The following IQSEC1 variants were observed in gnomAD, a reference collection of about 807,000 sequenced individuals.
IQSEC1 encodes IQ motif and Sec7 domain ArfGEF 1.
IQSEC1 carries 31 observed loss-of-function variants against 91.0 expected under a neutral mutation model. That is an observed-to-expected ratio of 0.34 (90% CI 0.26 to 0.46). The LOEUF is 0.46. Among genes scored for constraint, IQSEC1 ranks in the 20% least tolerant of loss-of-function variants. IQSEC1 has a pLI of 1.00. For missense variants in IQSEC1, 1,388 were observed against 1,575.6 expected (o/e 0.88, Z 2.02); for synonymous variants, 699 against 662.6 (o/e 1.05, Z -0.84).
intron 3 of IQSEC1, among the ~76,000 whole-genome samples, chr3:12,930,491 G>C (rs1229929598): frequency 6.6e-6 from 1 of 152,206 alleles, no homozygotes; most frequent in Non-Finnish European, 1.5e-5. Flanking sequence ...GCTTGCCCAA[G>C]TGGTTCAGGG....
At chr3:12,903,860 C>A (rs1221116704) in intron 12 of IQSEC1, among the ~76,000 whole-genome samples, 1 of 152,208 alleles carries the variant, frequency 6.6e-6, no homozygotes. Flanking sequence ...CATGTCAACC[C>A]TATAGGCGCC....
At chr3:13,204,593 G>C (rs1052185939) in intron 1 of IQSEC1, among the ~76,000 whole-genome samples, 7 of 152,210 alleles carry the variant, frequency 4.6e-5, no homozygotes, top group African/African-American at 1.7e-4. Context: ...TCAGCCTTCC[G>C]GAGCTTCGGG....
At chr3:13,018,005 C>G (rs376475094) in intron 1 of IQSEC1, among the ~76,000 whole-genome samples, 11 of 152,282 alleles carry the variant, frequency 7.2e-5, no homozygotes, top group East Asian at 3.9e-4. Flanking sequence ...CTCAGGGAGT[C>G]CTGGTCTCTG....
intron 1 of IQSEC1, among the ~76,000 whole-genome samples, chr3:13,042,693 G>C (rs968565313): frequency 4.6e-5 from 7 of 152,134 alleles, no homozygotes; most frequent in African/African-American, 1.4e-4. Flanking sequence ...AAGTTGTGGG[G>C]GCCCCCAGTC....
At chr3:13,143,454 G>A (rs1365999556) in intron 2 of IQSEC1, among the ~76,000 whole-genome samples, 1 of 152,222 alleles carries the variant, frequency 6.6e-6, no homozygotes, top group Non-Finnish European at 1.5e-5. Flanking sequence ...AGGAAGTGAT[G>A]CACAGAGGAC....
chr3:13,017,408 A>T (rs967705469), intron 1 of IQSEC1, among the ~76,000 whole-genome samples: 4 of 152,202 alleles, frequency 2.6e-5, no homozygotes, highest in Non-Finnish European at 5.9e-5. Flanking sequence ...CAGCGGAAGA[A>T]AGCCTCTTCC....
chr3:13,060,946 T>C (rs1386446565), intron 1 of IQSEC1, among the ~76,000 whole-genome samples: 1 of 152,192 alleles, frequency 6.6e-6, no homozygotes, highest in African/African-American at 2.4e-5. Flanking sequence ...GGACCCCAGT[T>C]TCCTCTGCAT....
rs1361500736 is a variant in IQSEC1, at chr3:12,898,036, A to G, written c.*2947T>C. The G allele has an allele frequency of 6.6e-6, 1 of 152,250 alleles. No individual in the cohort carries two copies. Among genetic ancestry groups the G allele is most frequent in the Admixed American group, 6.5e-5 (1 of 15,286 alleles). 9.4% of individuals were successfully genotyped at this position (152,250 alleles called of 1,614,324 possible). A position where few individuals can be genotyped will look rare whatever the true frequency, so the allele number is the denominator to read the frequency against. ...CTCCTGCTCCTGTCAGCAATTCTGT[A>G]TGTAACTGCAGTAATTTGTGTGACT... On this transcript the variant is annotated 3_prime_UTR_variant, in exon 14 of 14. Transcript: ENST00000613206.
At chr3:13,097,829 A>G (rs761543648) in intron 2 of IQSEC1, among the ~76,000 whole-genome samples, 42 of 152,124 alleles carry the variant, frequency 2.8e-4, no homozygotes, top group Non-Finnish European at 5.1e-4. Context: ...ATTATCAACC[A>G]TTTGTCACTG....
chr3:12,900,775 C>G lies in IQSEC1; in HGVS notation c.*208G>C. On this transcript the variant is annotated 3_prime_UTR_variant, in exon 14 of 14. Coordinates refer to ENST00000613206, the MANE Select transcript of IQSEC1 (RefSeq NM_001134382.3). ...CCCTCAGACTGAGGTGAGCAGAGCC[C>G]AGGGTGCCAACAAGAAATGAAATCT... The G allele has an allele frequency of 6.9e-7, 1 of 1,444,308 alleles. No individual in the cohort carries two copies. 89.5% of individuals were successfully genotyped at this position (1,444,308 alleles called of 1,614,324 possible).
rs534849902 is a variant in IQSEC1, at chr3:12,901,004, G to A, written c.3324C>T (p.Ser1108=). 3.6e-5 allele frequency: 56 copies of A among 1,545,168 alleles called. 2 individuals are homozygous for A. The highest frequency in any genetic ancestry group is 1.7e-4 in the East Asian group (7 of 40,906). The part of the protein sequence containing the change: ...PPPTSSKAKP[S]GISTIV Reference sequence around the variant, plus strand: ...CTGTCTACACAATTGTGCTGATGCCGCTGGGTTTGGCCTTGCTGCTGGTGG... The same window carrying A: ...CTGTCTACACAATTGTGCTGATGCCACTGGGTTTGGCCTTGCTGCTGGTGG... The change falls in exon 14 of 14, where the codon AGC becomes AGT. Residue 1108 remains serine (S), a synonymous_variant. Transcript: ENST00000613206.
chr3:13,003,336 G>A (rs139982072), intron 1 of IQSEC1, among the ~76,000 whole-genome samples: 2 of 147,526 alleles, frequency 1.4e-5, no homozygotes, highest in African/African-American at 5.0e-5. Context: ...CTATAACATG[G>A]ATGAACCTTG....
chr3:13,278,550 G>A (rs1695734435), intron 1 of IQSEC1, among the ~76,000 whole-genome samples: 1 of 152,214 alleles, frequency 6.6e-6, no homozygotes, highest in Admixed American at 6.5e-5. Context: ...TGGGTGTGGT[G>A]GCTCACGCCT....
chr3:13,088,244 C>T (rs1042438785), intron 2 of IQSEC1, among the ~76,000 whole-genome samples: 1 of 152,238 alleles, frequency 6.6e-6, no homozygotes, highest in African/African-American at 2.4e-5. Context: ...GGCGAAGGAA[C>T]AGATGAAAGT....
At chr3:13,143,523 G>T (rs1205359670) in intron 2 of IQSEC1, among the ~76,000 whole-genome samples, 2 of 152,204 alleles carry the variant, frequency 1.3e-5, no homozygotes. Context: ...CACCCAAACA[G>T]GGGAGCAGCT....
At chr3:13,061,294 C>T (rs987995439) in intron 1 of IQSEC1, among the ~76,000 whole-genome samples, 1 of 152,150 alleles carries the variant, frequency 6.6e-6, no homozygotes, top group Non-Finnish European at 1.5e-5. Context: ...GGTTTCCCCT[C>T]CTTGAGATGC....
intron 1 of IQSEC1, among the ~76,000 whole-genome samples, chr3:13,260,276 T>C (rs1353614990): frequency 6.6e-6 from 1 of 152,220 alleles, no homozygotes; most frequent in Non-Finnish European, 1.5e-5. Flanking sequence ...CATTTGCTGC[T>C]GCTTGGAAGC....
intron 1 of IQSEC1, among the ~76,000 whole-genome samples, chr3:13,024,334 CATCT>C (rs1703521635): frequency 6.6e-6 from 1 of 152,088 alleles, no homozygotes; most frequent in Non-Finnish European, 1.5e-5. Flanking sequence ...CCCATCCATC[CATCT>C]GTTCCCTCAC....
chr3:12,923,675 T>G (rs1696841794), intron 4 of IQSEC1, among the ~76,000 whole-genome samples: 1 of 152,194 alleles, frequency 6.6e-6, no homozygotes. Context: ...GACGGCACCC[T>G]CTGCCTCCTA....
Sources: allele counts gnomAD v4.1 joint callset (sites outside exome capture counted in the v4.1 genomes callset), GRCh38; gene constraint gnomAD v4.1.1; transcripts MANE v1.5; gene names NCBI Gene and HGNC (gene_info 2026-07-23, HGNC 2026-07-21).